Variants in BFSP2 observed in about 807,000 individuals in gnomAD.
The protein encoded by BFSP2 is beaded filament structural protein 2.
BFSP2 carries 38 observed loss-of-function variants against 44.9 expected under a neutral mutation model. The observed-to-expected ratio is 0.85, with a 90% CI of 0.65 to 1.11. BFSP2 has a LOEUF of 1.11. Ranked by LOEUF, BFSP2 falls within the 50% of genes least tolerant of loss-of-function variation. BFSP2 has a pLI of 0.00. For synonymous variants in BFSP2, 197 were observed against 209.9 expected (o/e 0.94, Z 0.53); for missense variants, 525 against 533.0 (o/e 0.99, Z 0.15).
chr3:133,436,328 A>AAAAAC (rs958758612), intron 1 of BFSP2, among the ~76,000 whole-genome samples: 3 of 147,974 alleles, frequency 2.0e-5, no homozygotes, highest in African/African-American at 7.4e-5. Flanking sequence ...TCTGTCTCAA[A>AAAAAC]AAAAAAAAAA....
At chr3:133,462,782 T>C (rs1200271488) in intron 4 of BFSP2, among the ~76,000 whole-genome samples, 1 of 152,230 alleles carries the variant, frequency 6.6e-6, no homozygotes, top group Non-Finnish European at 1.5e-5. Flanking sequence ...AACCATTTTT[T>C]ATAATTCTAT....
At chr3:133,470,445 G>A (rs1397271381) in intron 5 of BFSP2, among the ~76,000 whole-genome samples, 1 of 152,168 alleles carries the variant, frequency 6.6e-6, no homozygotes, top group Non-Finnish European at 1.5e-5. Flanking sequence ...AAAGATATTT[G>A]TTTTTTGTGT....
chr3:133,431,272 A>G (rs999801917), intron 1 of BFSP2, among the ~76,000 whole-genome samples: 9 of 152,242 alleles, frequency 5.9e-5, no homozygotes, highest in Admixed American at 2.6e-4. Context: ...ACAATAATAG[A>G]AAAAAGTTGC....
At position 133,474,693 on chromosome 3, in the gene BFSP2, A is replaced by G. The variant is rs115216811; in HGVS notation, c.1245-276A>G. Among the ~76,000 whole-genome samples, 781 of 152,326 alleles carry G rather than the reference A, an allele frequency of 5.1e-3. 7 individuals are homozygous for G. Among genetic ancestry groups the G allele is most frequent in the African/African-American group, 0.018 (741 of 41,564 alleles). On this transcript the variant is annotated intron_variant, in intron 6 of 6. Transcript: ENST00000302334. Reference sequence around the variant, plus strand: ...GTTCATTTAGTGAGTGCCAAGGCAGACCTGACTCTTGATTATTTTTGTTTA... The same window carrying G: ...GTTCATTTAGTGAGTGCCAAGGCAGGCCTGACTCTTGATTATTTTTGTTTA...
At chr3:133,433,612 C>T (rs1559968030) in intron 1 of BFSP2, among the ~76,000 whole-genome samples, 1 of 152,206 alleles carries the variant, frequency 6.6e-6, no homozygotes, top group Non-Finnish European at 1.5e-5. Context: ...TCTGAGAAGG[C>T]CACCGCAGTC....
chr3:133,466,549 G>A (rs541056066), intron 4 of BFSP2, among the ~76,000 whole-genome samples: 59 of 151,560 alleles, frequency 3.9e-4, no homozygotes, highest in Non-Finnish European at 7.5e-4. Context: ...CAGGCCTGGT[G>A]GCGGGTACCT....
At position 133,426,400 on chromosome 3, in the gene BFSP2, C is replaced by T. The variant is rs2073654761; in HGVS notation, c.490-20917C>T. Among the ~76,000 whole-genome samples the T allele has an allele frequency of 2.0e-5, 3 of 152,362 alleles. No individual in the cohort carries two copies. The South Asian group carries it at 6.2e-4, about 32-fold the overall frequency. The stretch of plus-strand genomic sequence containing the variant: ...AGTCATCTCAGCTCAGACAACTGAG[C>T]ATCCCTTTATACATACATCTCTTTT... On this transcript the variant is annotated intron_variant, in intron 1 of 6. Transcript: ENST00000302334.
At chr3:133,436,350 A>G (rs1422630669) in intron 1 of BFSP2, among the ~76,000 whole-genome samples, 1 of 147,022 alleles carries the variant, frequency 6.8e-6, no homozygotes, top group East Asian at 2.0e-4. Flanking sequence ...AAAAAAATCT[A>G]TGTATTGTTT....
At position 133,461,564 on chromosome 3, in the gene BFSP2, G is replaced by A. The variant is rs539530303; in HGVS notation, c.892-5264G>A. Among the ~76,000 whole-genome samples, 6 of 152,290 alleles carry A rather than the reference G, an allele frequency of 3.9e-5. No homozygotes were observed. The South Asian group carries it at 1.2e-3, about 32-fold the overall frequency. On this transcript the variant is annotated intron_variant, in intron 4 of 6. Transcript: ENST00000302334. Reference sequence around the variant, plus strand: ...GACACACCTACTCTCTGGTCTATGAGAAGAAATCTGGAGGCACAGGGTTGA... The same window carrying A: ...GACACACCTACTCTCTGGTCTATGAAAAGAAATCTGGAGGCACAGGGTTGA...
chr3:133,459,325 C>CA (rs2074041478), intron 4 of BFSP2, among the ~76,000 whole-genome samples: 1 of 152,186 alleles, frequency 6.6e-6, no homozygotes, highest in East Asian at 1.9e-4. Context: ...GCCTGGGCAA[C>CA]AGGGTGAGAC....
At chr3:133,473,438 CAAAAAAAAAA>C (rs748691333) in intron 6 of BFSP2, among the ~76,000 whole-genome samples, 1 of 73,128 alleles carries the variant, frequency 1.4e-5, no homozygotes. Flanking sequence ...GAGGCAGCAG[CAAAAAAAAAA>C]AAAAAAAAAA....
chr3:133,449,968 A>AGAAAGAAAGGAAGGAAG (rs1553782748), intron 3 of BFSP2, among the ~76,000 whole-genome samples: 1 of 92,710 alleles, frequency 1.1e-5, no homozygotes, highest in African/African-American at 4.1e-5. Context: ...AGAAAGAGAA[A>AGAAAGAAAGGAAGGAAG]GAAGGAAAGA....
At chr3:133,445,597 A>T (rs1039401813) in intron 1 of BFSP2, 4 of 152,204 alleles carry the variant, frequency 2.6e-5, no homozygotes, top group South Asian at 2.1e-4. Flanking sequence ...AATATTTTTT[A>T]AAAAATAGAT....
chr3:133,432,191 C>G (rs2107906614), intron 1 of BFSP2, among the ~76,000 whole-genome samples: 1 of 152,302 alleles, frequency 6.6e-6, no homozygotes, highest in Non-Finnish European at 1.5e-5. Context: ...CCTATAAACT[C>G]TCCTTACAAT....
chr3:133,404,365 C>T (rs1169243592), intron 1 of BFSP2, among the ~76,000 whole-genome samples: 2 of 152,166 alleles, frequency 1.3e-5, no homozygotes, highest in African/African-American at 4.8e-5. Context: ...GACACCTGCT[C>T]CAAGCCCCTG....
Position 133,400,453 on chromosome 3 carries a change from G to C in BFSP2, c.370G>C (p.Ala124Pro). ...CLVEYMAKVH[A>P]LEQVSQELET... Reference sequence around the variant, plus strand: ...GGTGGAATATATGGCCAAAGTGCACGCCCTTGAGCAAGTCAGTCAGGAGCT... The same window carrying C: ...GGTGGAATATATGGCCAAAGTGCACCCCCTTGAGCAAGTCAGTCAGGAGCT... Residue 124 changes from alanine (A) to proline (P), a missense_variant, in exon 1 of 7, where the codon GCC becomes CCC. By Grantham distance (27) the Ala-to-Pro change is conservative. Transcript: ENST00000302334. This position sits in a 1 kb window ranked among gnomAD's most constrained non-coding sequence, Gnocchi z 4.0. 6.2e-7 allele frequency: 1 copy of C among 1,614,046 alleles called. No homozygotes were observed. Among genetic ancestry groups the C allele is most frequent in the Non-Finnish European group, 8.5e-7 (1 of 1,180,046 alleles).
intron 1 of BFSP2, among the ~76,000 whole-genome samples, chr3:133,440,199 T>G (rs2073831359): frequency 7.4e-6 from 1 of 135,824 alleles, no homozygotes; most frequent in East Asian, 2.1e-4. Context: ...CTTACTATCA[T>G]GAGAATAGCA....
chr3:133,433,495 C>G (rs539466002), intron 1 of BFSP2, among the ~76,000 whole-genome samples: 2 of 152,302 alleles, frequency 1.3e-5, no homozygotes, highest in South Asian at 4.1e-4. Flanking sequence ...TGCCCCCACC[C>G]AGGACTGGCA....
chr3:133,434,806 C>A (rs1034075758), intron 1 of BFSP2, among the ~76,000 whole-genome samples: 2 of 152,162 alleles, frequency 1.3e-5, no homozygotes, highest in African/African-American at 4.8e-5. Context: ...CACCAGAGAA[C>A]AAACCCCCTT....
Sources: allele counts gnomAD v4.1 joint callset (sites outside exome capture counted in the v4.1 genomes callset), GRCh38; gene constraint gnomAD v4.1.1; non-coding constraint Gnocchi (gnomAD v3.1); transcripts MANE v1.5; gene names NCBI Gene and HGNC (gene_info 2026-07-23, HGNC 2026-07-21).